Variants in PDZD2 observed in about 807,000 individuals in gnomAD.
PDZD2 encodes PDZ domain-containing protein 2.
PDZD2 carries 90 observed loss-of-function variants against 220.7 expected under a neutral mutation model. The observed-to-expected ratio is 0.41, with a 90% CI of 0.34 to 0.49. The LOEUF (loss-of-function observed/expected upper bound fraction) is 0.49, where lower values mean the gene tolerates loss of function less well. Among genes scored for constraint, PDZD2 ranks in the 20% least tolerant of loss-of-function variants. PDZD2 has a pLI of 0.28. For synonymous variants in PDZD2, 1,375 were observed against 1,450.5 expected, an observed-to-expected ratio of 0.95 and a Z score of 1.18; for missense variants, 3,174 against 3,608.5, an observed-to-expected ratio of 0.88 and a Z score of 3.08.
At chr5:32,044,755 G>A (rs1279480929) in intron 7 of PDZD2, among the ~76,000 whole-genome samples, 5 of 152,136 alleles carry the variant, frequency 3.3e-5, no homozygotes, top group Admixed American at 3.3e-4. Context: ...AAAACTTCAC[G>A]TGATATTTAC....
intron 7 of PDZD2, among the ~76,000 whole-genome samples, chr5:32,045,821 A>G (rs1737893149): frequency 6.6e-6 from 1 of 152,194 alleles, no homozygotes; most frequent in Non-Finnish European, 1.5e-5. Context: ...ACTTTAAAAA[A>G]AAAACAAACC....
chr5:31,957,781 A>T (rs1041794840), intron 2 of PDZD2, among the ~76,000 whole-genome samples: 2 of 152,250 alleles, frequency 1.3e-5, no homozygotes, highest in African/African-American at 4.8e-5. Context: ...TCTCCTCAAG[A>T]TGACTTCCAC....
intron 1 of PDZD2, among the ~76,000 whole-genome samples, chr5:31,691,207 C>T (rs566089105): frequency 1.2e-3 from 186 of 152,064 alleles, no homozygotes; most frequent in African/African-American, 4.3e-3. Context: ...AGCTGCAGAC[C>T]TTCGCGGTGA....
At chr5:31,752,134 A>C (rs979230749) in intron 1 of PDZD2, among the ~76,000 whole-genome samples, 1 of 127,480 alleles carries the variant, frequency 7.8e-6, no homozygotes, top group Non-Finnish European at 1.6e-5. Flanking sequence ...GCTGGAGTGC[A>C]GTGGTGTAGT....
chr5:32,087,603 GTCC>G lies in PDZD2; in HGVS notation c.4158_4160del (p.Ser1387del), dbSNP rs747785159. 3 of 1,614,116 alleles carry G rather than the reference GTCC, an allele frequency of 1.9e-6. No individual in the cohort carries two copies. The highest frequency in any genetic ancestry group is 3.3e-5 in the Admixed American group (2 of 60,022). ...CCCTGCTGGAGGGAGCAGATTCTGT[GTCC>G]TCAAGGGCACCGCAGGCCAGCCTCT... On this transcript the variant is annotated inframe_deletion, in exon 20 of 25. Coordinates refer to ENST00000438447, the MANE Select transcript of PDZD2 (RefSeq NM_178140.4). The surrounding 1 kb of genome is among the most constrained non-coding windows in gnomAD (Gnocchi z 4.0).
At chr5:32,079,390 C>A (rs1741689796) in intron 19 of PDZD2, among the ~76,000 whole-genome samples, 1 of 151,796 alleles carries the variant, frequency 6.6e-6, no homozygotes, top group Non-Finnish European at 1.5e-5. Context: ...CTGTGGGAGT[C>A]CCGGCAGTCC....
intron 2 of PDZD2, among the ~76,000 whole-genome samples, chr5:31,932,210 A>C (rs1489620325): frequency 6.6e-6 from 1 of 152,176 alleles, no homozygotes; most frequent in African/African-American, 2.4e-5. Context: ...TGTGACATCA[A>C]GCATATGAAG....
At chr5:31,689,239 TTGTG>T (rs70955736) in intron 1 of PDZD2, among the ~76,000 whole-genome samples, 142 of 140,050 alleles carry the variant, frequency 1.0e-3, no homozygotes, top group East Asian at 9.2e-3. Flanking sequence ...TGGCTAATGT[TTGTG>T]TGTGTGTGTG....
Position 32,069,730 on chromosome 5 carries a change from A to G in PDZD2, c.2533+80A>G, listed in dbSNP as rs907310471. The stretch of plus-strand genomic sequence containing the variant: ...ACCCACAGGCACTCCCCAGTGCAGT[A>G]TTATTGGATTCTTGGTAATTATCAG... On this transcript the variant is annotated intron_variant, in intron 15 of 24. Transcript: ENST00000438447. The G allele has an allele frequency of 1.2e-5, 9 of 736,694 alleles. No individual in the cohort carries two copies. The African/African-American group carries it at 1.6e-4, about 13-fold the overall frequency. 45.6% of individuals were successfully genotyped at this position (736,694 alleles called of 1,614,324 possible). A position where few individuals can be genotyped will look rare whatever the true frequency, so the allele number is the denominator to read the frequency against.
chr5:32,068,330 C>A (rs1275890605), intron 14 of PDZD2, among the ~76,000 whole-genome samples: 1 of 152,128 alleles, frequency 6.6e-6, no homozygotes, highest in Non-Finnish European at 1.5e-5. Context: ...TTGCCAAAAA[C>A]AATTTTCGTA....
intron 1 of PDZD2, among the ~76,000 whole-genome samples, chr5:31,672,837 G>A (rs2877202): frequency 0.011 from 1,643 of 152,276 alleles, 32 homozygotes; most frequent in African/African-American, 0.037. Context: ...AAGGGCCTAA[G>A]GCATATGGGG....
chr5:31,797,013 C>T (rs1357437944), intron 1 of PDZD2, among the ~76,000 whole-genome samples: 9 of 150,936 alleles, frequency 6.0e-5, no homozygotes, highest in African/African-American at 2.0e-4. Flanking sequence ...CTGCAAGCTC[C>T]GCTTCCCGGG....
At chr5:32,034,916 A>G (rs1581333865) in intron 6 of PDZD2, among the ~76,000 whole-genome samples, 1 of 152,038 alleles carries the variant, frequency 6.6e-6, no homozygotes, top group Admixed American at 6.5e-5. Flanking sequence ...CTCTAAAATC[A>G]CCCTCAAGAT....
chr5:31,840,227 T>TCAAAA (rs58599257), intron 2 of PDZD2, among the ~76,000 whole-genome samples: 11,799 of 145,730 alleles, frequency 0.081, 625 homozygotes, highest in East Asian at 0.25. Flanking sequence ...AGACCCTGTT[T>TCAAAA]CAAAACAAAA....
intron 2 of PDZD2, among the ~76,000 whole-genome samples, chr5:31,963,556 G>T (rs533428479): frequency 6.5e-4 from 99 of 152,330 alleles, no homozygotes; most frequent in African/African-American, 2.3e-3. Context: ...ATATTCAGGG[G>T]TCAGCTGATC....
intron 1 of PDZD2, among the ~76,000 whole-genome samples, chr5:31,688,600 C>G (rs990597948): frequency 6.6e-6 from 1 of 152,170 alleles, no homozygotes; most frequent in East Asian, 1.9e-4. Context: ...TGCACACACA[C>G]GTGAGCACAT....
chr5:32,081,293 G>GA (rs1408664559), intron 19 of PDZD2, among the ~76,000 whole-genome samples: 2 of 152,134 alleles, frequency 1.3e-5, no homozygotes, highest in Non-Finnish European at 2.9e-5. Flanking sequence ...AATGAGCCTT[G>GA]AGAAAGGTGC....
chr5:32,059,557 T>C (rs1397994535), intron 13 of PDZD2, among the ~76,000 whole-genome samples: 1 of 152,248 alleles, frequency 6.6e-6, no homozygotes, highest in Non-Finnish European at 1.5e-5. Context: ...ATTTGAGAAC[T>C]CTAGATCTTG....
chr5:32,021,170 A>C (rs1754169675), intron 6 of PDZD2, among the ~76,000 whole-genome samples: 1 of 151,974 alleles, frequency 6.6e-6, no homozygotes, highest in Middle Eastern at 3.4e-3. Context: ...TCCCCTGTGG[A>C]ATCCAGGGCA....
Sources: gnomAD v4.1 joint callset for allele counts (sites outside exome capture counted in the v4.1 genomes callset) on GRCh38, gnomAD v4.1.1 for gene constraint, Gnocchi (gnomAD v3.1) non-coding constraint, MANE v1.5 for transcripts, NCBI Gene and HGNC (gene_info 2026-07-23, HGNC 2026-07-21) for gene names.